Variants in RIMS3 observed in about 807,000 individuals in gnomAD.
RIMS3 encodes the protein regulating synaptic membrane exocytosis 3, also known as regulating synaptic membrane exocytosis protein 3.
RIMS3 carries 15 observed loss-of-function variants against 29.2 expected under a neutral mutation model. That is an observed-to-expected ratio of 0.51 (90% CI 0.34 to 0.79). The LOEUF (loss-of-function observed/expected upper bound fraction) is 0.79, where lower values mean the gene tolerates loss of function less well. Among genes scored for constraint, RIMS3 ranks in the 30% least tolerant of loss-of-function variants. The pLI is 0.01. For synonymous variants in RIMS3, 161 were observed against 170.1 expected (o/e 0.95, Z 0.41); for missense variants, 342 against 421.4 (o/e 0.81, Z 1.65).
chr1:40,671,887 C>G, the RIMS3 span, among the ~76,000 whole-genome samples: 1 of 151,872 alleles, frequency 6.6e-6, no homozygotes, highest in East Asian at 1.9e-4. Flanking sequence ...CTCAGTCTCC[C>G]AAGTAGCTGT....
chr1:40,632,424 A>ATT (rs1646882413), intron 5 of RIMS3, among the ~76,000 whole-genome samples: 1 of 26,476 alleles, frequency 3.8e-5, no homozygotes, highest in Non-Finnish European at 8.1e-5. Flanking sequence ...AAATTTATAT[A>ATT]TATATATATA....
intron 3 of RIMS3, among the ~76,000 whole-genome samples, chr1:40,638,424 T>C (rs971608648): frequency 6.6e-6 from 1 of 152,176 alleles, no homozygotes; most frequent in African/African-American, 2.4e-5. Flanking sequence ...GGAATAACTT[T>C]ATATAATCTC....
intron 1 of RIMS3, among the ~76,000 whole-genome samples, chr1:40,651,842 GA>G (rs201124996): frequency 0.017 from 2,537 of 152,142 alleles, 30 homozygotes; most frequent in Middle Eastern, 0.051. Context: ...TTATAATAAA[GA>G]AAAAAACCAA....
chr1:40,675,919 C>T, the RIMS3 span, among the ~76,000 whole-genome samples: 1 of 151,714 alleles, frequency 6.6e-6, no homozygotes, highest in Non-Finnish European at 1.5e-5. Flanking sequence ...CAGAGCAAGA[C>T]CCTGTCAAAA....
chr1:40,673,316 C>G, the RIMS3 span: 1 of 152,140 alleles, frequency 6.6e-6, no homozygotes, highest in African/African-American at 2.4e-5. Flanking sequence ...TAGACTTTAC[C>G]ATGCACTCTC....
At chr1:40,643,790 C>A (rs537829399) in intron 2 of RIMS3, among the ~76,000 whole-genome samples, 1 of 152,210 alleles carries the variant, frequency 6.6e-6, no homozygotes, top group Non-Finnish European at 1.5e-5. Flanking sequence ...AAGCATCTTT[C>A]TACATGGATT....
intron 3 of RIMS3, among the ~76,000 whole-genome samples, chr1:40,639,556 T>A (rs1239775553): frequency 6.6e-6 from 1 of 152,208 alleles, no homozygotes; most frequent in East Asian, 1.9e-4. Context: ...TGGGTGCCTT[T>A]GCATACCCTA....
chr1:40,684,063 C>G, the RIMS3 span, among the ~76,000 whole-genome samples: 31 of 152,346 alleles, frequency 2.0e-4, 1 homozygote, highest in South Asian at 6.0e-3. Flanking sequence ...CTAGCTCTAA[C>G]AAGAGCTCTT....
rs1443725084 is a variant in RIMS3, at chr1:40,635,896, C to T, written c.359+20G>A. ...GGACCGAGGAGGAGGGAGGGGACCACAGCACGGGGCTGCACGCACGTGCCG... is the reference window on the plus strand; with the variant it reads ...GGACCGAGGAGGAGGGAGGGGACCATAGCACGGGGCTGCACGCACGTGCCG... On this transcript the variant is annotated intron_variant, in intron 4 of 7. Transcript: ENST00000372684. This position sits in a 1 kb window ranked among gnomAD's most constrained non-coding sequence, Gnocchi z 4.1. 1 of 1,610,570 alleles carries T rather than the reference C, an allele frequency of 6.2e-7. No individual in the cohort carries two copies. Among genetic ancestry groups the T allele is most frequent in the Non-Finnish European group, 8.5e-7 (1 of 1,178,830 alleles).
chr1:40,662,845 A>G (rs1642371523), intron 1 of RIMS3, among the ~76,000 whole-genome samples: 2 of 152,192 alleles, frequency 1.3e-5, no homozygotes, highest in African/African-American at 4.8e-5. Flanking sequence ...GAGACTTGGT[A>G]GTTGAGGCCA....
chr1:40,647,362 T>C (rs1646602771), intron 2 of RIMS3, among the ~76,000 whole-genome samples: 1 of 151,968 alleles, frequency 6.6e-6, no homozygotes, highest in Admixed American at 6.6e-5. Flanking sequence ...TGGACATCAT[T>C]AACCTCTCTC....
At position 40,654,757 on chromosome 1, in the gene RIMS3, G is replaced by A. The variant is rs1289765023; in HGVS notation, c.-206-6915C>T. Among the ~76,000 whole-genome samples the A allele has an allele frequency of 6.6e-6, 1 of 151,926 alleles. No individual in the cohort carries two copies. The highest frequency in any genetic ancestry group is 2.4e-5 in the African/African-American group (1 of 41,318). On this transcript the variant is annotated intron_variant, in intron 1 of 7. Transcript: ENST00000372684. The surrounding 1 kb of genome is among the most constrained non-coding windows in gnomAD (Gnocchi z 5.3). ...CACCACAGACACACACACACACAGTGCACACACAATATGCCCTCAGAGACC... is the reference window on the plus strand; with the variant it reads ...CACCACAGACACACACACACACAGTACACACACAATATGCCCTCAGAGACC...
At chr1:40,691,910 A>AGCG in the RIMS3 span, 1 of 343,380 alleles carries the variant, frequency 2.9e-6, no homozygotes, top group Non-Finnish European at 5.8e-6. Flanking sequence ...GTGATAGGGA[A>AGCG]GCGGCGGCGG....
chr1:40,687,394 G>C, the RIMS3 span: 1 of 151,984 alleles, frequency 6.6e-6, no homozygotes, highest in Admixed American at 6.6e-5. Context: ...CTGAGGTCAG[G>C]AGTTCCAGAC....
chr1:40,636,037 G>A lies in RIMS3; in HGVS notation c.238C>T (p.Arg80Cys), dbSNP rs201091736. 2.9e-5 allele frequency: 46 copies of A among 1,604,604 alleles called. 1 individual carries two copies. Among genetic ancestry groups the A allele is most frequent in the Middle Eastern group, 3.3e-4 (2 of 6,080 alleles). ...PQPEGATKKLRSNIRRSTETG... is the reference protein window; with the variant it reads ...PQPEGATKKLCSNIRRSTETG... ...TCCGTGCTCCGGCGGATGTTGCTGC[G>A]CAGCTTCTTGGTGGCCCCTTCTGTG... The change falls in exon 4 of 8, where the codon CGC (arginine) becomes TGC (cysteine). Residue 80 changes from arginine to cysteine, a missense_variant. Arg to Cys is a radical substitution (Grantham distance 180). Coordinates refer to ENST00000372684, the MANE Select transcript of RIMS3 (RefSeq NM_014747.3). This position sits in a 1 kb window ranked among gnomAD's most constrained non-coding sequence, Gnocchi z 4.2.
At chr1:40,659,362 CA>C (rs1194089216) in intron 1 of RIMS3, among the ~76,000 whole-genome samples, 2 of 152,068 alleles carry the variant, frequency 1.3e-5, no homozygotes, top group African/African-American at 4.8e-5. Flanking sequence ...CTGTCAGTGA[CA>C]GGGAGCTATT....
the RIMS3 span, chr1:40,691,917 G>C: frequency 2.3e-5 from 8 of 343,406 alleles, no homozygotes; most frequent in Middle Eastern, 3.8e-4. Flanking sequence ...GGAAGCGGCG[G>C]CGGGGGGAGG....
chr1:40,633,246 G>T lies in RIMS3; in HGVS notation c.360-65C>A, dbSNP rs1429248266. 9.0e-6 allele frequency: 12 copies of T among 1,327,358 alleles called. No individual in the cohort carries two copies. The East Asian group carries it at 2.8e-4, about 31-fold the overall frequency. The allele number at this position is 1,327,358 out of a possible 1,614,324, so 82.2% of individuals were successfully genotyped here. On this transcript the variant is annotated intron_variant, in intron 4 of 7. Coordinates refer to ENST00000372684, the MANE Select transcript of RIMS3 (RefSeq NM_014747.3). ...CAACCTGAGGATGAAAGTATAGCTG[G>T]CAGGCTGCCATGCTCTGGCCCTGGG...
chr1:40,659,152 A>G lies in RIMS3; in HGVS notation c.-207+6242T>C, dbSNP rs146836521. ...GAGCCGATTTTGAAGAATTAAGGAC[A>G]TTCTCCATGGAGACAAAGTAGGGGT... On this transcript the variant is annotated intron_variant, in intron 1 of 7. Transcript: ENST00000372684. Among the ~76,000 whole-genome samples the G allele has an allele frequency of 7.3e-4, 111 of 152,266 alleles. 3 individuals carry two copies. The highest frequency in any genetic ancestry group is 2.6e-3 in the African/African-American group (107 of 41,552).
Sources: gnomAD v4.1 joint callset for allele counts (sites outside exome capture counted in the v4.1 genomes callset) on GRCh38, gnomAD v4.1.1 for gene constraint, Gnocchi (gnomAD v3.1) non-coding constraint, MANE v1.5 for transcripts, NCBI Gene and HGNC (gene_info 2026-07-23, HGNC 2026-07-21) for gene names.